The following CERS6 variants were observed in gnomAD, a reference collection of about 807,000 sequenced individuals.
CERS6 encodes the protein ceramide synthase 6.
Under a neutral mutation model 56.8 loss-of-function variants are expected in CERS6, and 26 were observed. The ratio of observed to expected loss-of-function variants is 0.46; its 90% confidence interval spans 0.34 to 0.63. The LOEUF (loss-of-function observed/expected upper bound fraction) is 0.63, where lower values mean the gene tolerates loss of function less well. Ranked by LOEUF, CERS6 falls within the 30% of genes least tolerant of loss-of-function variation. The pLI is 0.01. For synonymous variants in CERS6, 164 were observed against 173.3 expected, an observed-to-expected ratio of 0.95 and a Z score of 0.42; for missense variants, 415 against 467.5, an observed-to-expected ratio of 0.89 and a Z score of 1.04.
chr2:168,467,766 G>A (rs926079230), intron 1 of CERS6, among the ~76,000 whole-genome samples: 3 of 152,190 alleles, frequency 2.0e-5, no homozygotes, highest in South Asian at 2.1e-4. Flanking sequence ...AAAAATACAC[G>A]TTGTGTAGAA....
intron 8 of CERS6, among the ~76,000 whole-genome samples, chr2:168,722,254 TTGA>T (rs1683202638): frequency 1.3e-5 from 2 of 152,236 alleles, no homozygotes; most frequent in African/African-American, 2.4e-5. Context: ...TTTCACTTCC[TTGA>T]TGATGTCCTT....
At position 168,557,247 on chromosome 2, in the gene CERS6, C is replaced by T. The variant is rs374401976; in HGVS notation, c.277-3945C>T. Among the ~76,000 whole-genome samples the T allele has an allele frequency of 2.2e-4, 34 of 152,226 alleles. No homozygotes were observed. In the East Asian group the frequency reaches 5.6e-3, roughly 25 times the overall value. ...AAAGAATAATATAGCTAGGAATAAA[C>T]ATAGCAAGGTATGTGCAAGACCTGG... On this transcript the variant is annotated intron_variant, in intron 2 of 9. Coordinates refer to ENST00000305747, the MANE Select transcript of CERS6 (RefSeq NM_203463.3).
At chr2:168,690,786 C>T (rs1227198448) in intron 4 of CERS6, among the ~76,000 whole-genome samples, 2 of 152,088 alleles carry the variant, frequency 1.3e-5, no homozygotes, top group African/African-American at 4.8e-5. Flanking sequence ...AGAAAAAACA[C>T]CAGCTGGAAC....
chr2:168,694,633 T>A (rs1686595918), intron 5 of CERS6, among the ~76,000 whole-genome samples: 1 of 152,052 alleles, frequency 6.6e-6, no homozygotes, highest in South Asian at 2.1e-4. Flanking sequence ...TGTATTAGAA[T>A]TTTTTTTCAG....
intron 1 of CERS6, among the ~76,000 whole-genome samples, chr2:168,536,887 C>T (rs551987545): frequency 1.3e-5 from 2 of 152,278 alleles, no homozygotes; most frequent in South Asian, 4.1e-4. Context: ...GTAATATACA[C>T]TGCTTTTAAA....
intron 1 of CERS6, among the ~76,000 whole-genome samples, chr2:168,519,402 T>C (rs1021085575): frequency 2.0e-5 from 3 of 152,206 alleles, no homozygotes; most frequent in African/African-American, 7.2e-5. Flanking sequence ...ATTCAAGGGA[T>C]ACATGTACAG....
chr2:168,570,717 G>T, intron 3 of CERS6, among the ~76,000 whole-genome samples: 1 of 152,114 alleles, frequency 6.6e-6, no homozygotes, highest in East Asian at 1.9e-4. Flanking sequence ...AATCTACCTG[G>T]TTCATGGTCT....
intron 4 of CERS6, among the ~76,000 whole-genome samples, chr2:168,676,936 C>T (rs1457242520): frequency 6.6e-6 from 1 of 151,614 alleles, no homozygotes; most frequent in African/African-American, 2.4e-5. Context: ...GAGTTTGGTG[C>T]CACTGTCTTG....
intron 1 of CERS6, among the ~76,000 whole-genome samples, chr2:168,460,112 C>T (rs1473697896): frequency 1.3e-5 from 2 of 151,926 alleles, no homozygotes; most frequent in Non-Finnish European, 2.9e-5. Flanking sequence ...CCTCCTGATT[C>T]TTTGATTCCT....
At chr2:168,755,674 A>C (rs1191786674) in intron 8 of CERS6, among the ~76,000 whole-genome samples, 1 of 152,244 alleles carries the variant, frequency 6.6e-6, no homozygotes, top group Non-Finnish European at 1.5e-5. Flanking sequence ...AGCTATTCCC[A>C]AGAAGCAGGT....
intron 1 of CERS6, among the ~76,000 whole-genome samples, chr2:168,473,429 A>T (rs1275472621): frequency 2.0e-5 from 3 of 152,102 alleles, no homozygotes; most frequent in African/African-American, 4.8e-5. Context: ...CATGTTTAAG[A>T]TGATTGTTTT....
At chr2:168,690,741 A>G (rs1000397287) in intron 4 of CERS6, among the ~76,000 whole-genome samples, 3 of 152,164 alleles carry the variant, frequency 2.0e-5, no homozygotes, top group South Asian at 2.1e-4. Flanking sequence ...GAGGCTGGTT[A>G]TGTAGCAGGA....
At chr2:168,699,518 A>T (rs1201901673) in intron 6 of CERS6, among the ~76,000 whole-genome samples, 1 of 152,198 alleles carries the variant, frequency 6.6e-6, no homozygotes, top group African/African-American at 2.4e-5. Flanking sequence ...TAGGTTTGAC[A>T]ATCATTTATT....
chr2:168,607,338 T>C (rs1404646115), intron 3 of CERS6, among the ~76,000 whole-genome samples: 3 of 152,184 alleles, frequency 2.0e-5, no homozygotes, highest in Non-Finnish European at 4.4e-5. Context: ...AAAAAAACTC[T>C]TTTAAGTTAC....
chr2:168,602,713 G>T (rs1683964258), intron 3 of CERS6, among the ~76,000 whole-genome samples: 1 of 152,218 alleles, frequency 6.6e-6, no homozygotes. Flanking sequence ...AAAATCTGAT[G>T]AAGCGAAGTT....
At chr2:168,495,688 G>A (rs1363450861) in intron 1 of CERS6, among the ~76,000 whole-genome samples, 2 of 152,150 alleles carry the variant, frequency 1.3e-5, no homozygotes, top group Non-Finnish European at 2.9e-5. Flanking sequence ...AAATTAAATG[G>A]CAGTTATTTC....
At chr2:168,553,802 T>TA (rs1695620674) in intron 2 of CERS6, among the ~76,000 whole-genome samples, 1 of 152,154 alleles carries the variant, frequency 6.6e-6, no homozygotes, top group African/African-American at 2.4e-5. Flanking sequence ...GACAGAATGT[T>TA]AATGTTCTAG....
At chr2:168,642,938 G>A (rs554733135) in intron 4 of CERS6, among the ~76,000 whole-genome samples, 1 of 152,186 alleles carries the variant, frequency 6.6e-6, no homozygotes. Context: ...TGATTAGGGG[G>A]TTAAGAGTAA....
At chr2:168,746,820 T>TATATATA (rs1329677014) in intron 8 of CERS6, among the ~76,000 whole-genome samples, 1 of 80,036 alleles carries the variant, frequency 1.2e-5, no homozygotes, top group African/African-American at 4.8e-5. Flanking sequence ...TATATATATA[T>TATATATA]AAAATCATCT....
Sources: allele counts gnomAD v4.1 joint callset (sites outside exome capture counted in the v4.1 genomes callset), GRCh38; gene constraint gnomAD v4.1.1; transcripts MANE v1.5; gene names NCBI Gene and HGNC (gene_info 2026-07-23, HGNC 2026-07-21).